ACOXL: variants seen among roughly 807,000 people sequenced by gnomAD.
The protein encoded by ACOXL is acyl-coenzyme A oxidase-like protein.
ACOXL carries 70 observed loss-of-function variants against 71.9 expected under a neutral mutation model. The observed-to-expected ratio is 0.97, with a 90% confidence interval of 0.80 to 1.19. The LOEUF is 1.19. Ranked by LOEUF, ACOXL falls within the 50% of genes most tolerant of loss-of-function variation. The pLI, the probability that ACOXL is intolerant of heterozygous loss-of-function variation, is 0.00. For missense variants in ACOXL, 703 were observed against 736.3 expected, an observed-to-expected ratio of 0.95 and a Z score of 0.52; for synonymous variants, 253 against 281.6, an observed-to-expected ratio of 0.90 and a Z score of 1.02.
At chr2:111,065,522 A>G (rs2067023997) in intron 16 of ACOXL, among the ~76,000 whole-genome samples, 1 of 152,244 alleles carries the variant, frequency 6.6e-6, no homozygotes, top group African/African-American at 2.4e-5. Flanking sequence ...TAAACAGGAC[A>G]TCATCAAAAT....
chr2:110,972,170 G>A (rs1241474656), intron 12 of ACOXL, among the ~76,000 whole-genome samples: 6 of 152,176 alleles, frequency 3.9e-5, no homozygotes, highest in African/African-American at 1.4e-4. Flanking sequence ...GGAACGTGCA[G>A]GGATGCTGGG....
At chr2:110,872,012 G>A (rs1695340406) in intron 10 of ACOXL, among the ~76,000 whole-genome samples, 1 of 152,224 alleles carries the variant, frequency 6.6e-6, no homozygotes, top group African/African-American at 2.4e-5. Context: ...CAAAATATAT[G>A]CCAGAAACTT....
chr2:110,752,950 A>T (rs1679199345), intron 1 of ACOXL, among the ~76,000 whole-genome samples: 1 of 152,036 alleles, frequency 6.6e-6, no homozygotes, highest in East Asian at 1.9e-4. Context: ...CCACTTCTAC[A>T]ATGGCTCATT....
intron 17 of ACOXL, among the ~76,000 whole-genome samples, chr2:111,103,352 C>T (rs2069309534): frequency 6.6e-6 from 1 of 151,862 alleles, no homozygotes; most frequent in South Asian, 2.1e-4. Context: ...TAGGGGTGAC[C>T]GCATTTTAAG....
At chr2:111,040,460 C>G (rs767441943) in intron 15 of ACOXL, among the ~76,000 whole-genome samples, 1 of 152,194 alleles carries the variant, frequency 6.6e-6, no homozygotes, top group Non-Finnish European at 1.5e-5. Context: ...ATCCACCCTT[C>G]TCGCCCCATA....
At chr2:110,846,210 C>T (rs570576112) in intron 10 of ACOXL, among the ~76,000 whole-genome samples, 1 of 152,090 alleles carries the variant, frequency 6.6e-6, no homozygotes, top group East Asian at 1.9e-4. Flanking sequence ...GGCGTCAGGA[C>T]CAAGAGAGAT....
At chr2:111,053,188 A>G (rs2066379221) in intron 16 of ACOXL, among the ~76,000 whole-genome samples, 1 of 152,192 alleles carries the variant, frequency 6.6e-6, no homozygotes, top group African/African-American at 2.4e-5. Context: ...CAAGGCTGCA[A>G]TTCTAAATAT....
intron 4 of ACOXL, 147 bp downstream of exon 4, chr2:110,793,883 A>G (rs998397968): frequency 1.1e-6 from 1 of 887,718 alleles, no homozygotes. Context: ...GAGAATTCCA[A>G]GACTATCTTT....
At chr2:110,916,153 A>G (rs1358877311) in intron 11 of ACOXL, among the ~76,000 whole-genome samples, 1 of 151,824 alleles carries the variant, frequency 6.6e-6, no homozygotes, top group Non-Finnish European at 1.5e-5. Flanking sequence ...TGTTAATAAT[A>G]TTTCCTTATT....
At chr2:111,066,099 C>T (rs1412734980) in intron 16 of ACOXL, among the ~76,000 whole-genome samples, 2 of 152,108 alleles carry the variant, frequency 1.3e-5, no homozygotes, top group South Asian at 2.1e-4. Flanking sequence ...CTGCTTTGTT[C>T]AGAATAACAA....
chr2:110,948,175 A>G (rs1390081402), intron 12 of ACOXL, among the ~76,000 whole-genome samples: 1 of 152,214 alleles, frequency 6.6e-6, no homozygotes, highest in East Asian at 1.9e-4. Flanking sequence ...AAGCTCTGCA[A>G]CCTAGCACAA....
At chr2:110,902,952 G>A (rs1023347633) in intron 10 of ACOXL, among the ~76,000 whole-genome samples, 1 of 152,204 alleles carries the variant, frequency 6.6e-6, no homozygotes, top group East Asian at 1.9e-4. Flanking sequence ...AAGGAAGGTG[G>A]CCTGAGCCCA....
rs57092184 is a variant in ACOXL at position 110,963,565 on chromosome 2, ATGTGTGTGTGTGTGTGTG to A, written c.1060-23521_1060-23504del. The A allele has an allele frequency of 9.1e-5, 133 of 1,453,948 alleles. 1 individual carries two copies. The Middle Eastern group carries it at 1.3e-3, about 14-fold the overall frequency. 90.1% of individuals were successfully genotyped at this position (1,453,948 alleles called of 1,614,324 possible). A position where few individuals can be genotyped will look rare whatever the true frequency, so the allele number is the denominator to read the frequency against. ...GTAGTGATGGGATCGCAAATTTGAA[ATGTGTGTGTGTGTGTGTG>A]TGTGTGTGTGTGTGTGTGTGTTTTT... On this transcript the variant is annotated intron_variant, in intron 12 of 17. Transcript: ENST00000439055.
At chr2:110,774,079 G>A (rs1010938379) in intron 2 of ACOXL, among the ~76,000 whole-genome samples, 4 of 152,050 alleles carry the variant, frequency 2.6e-5, no homozygotes, top group Non-Finnish European at 5.9e-5. Flanking sequence ...ATTATTACTC[G>A]TGCAGTGAAA....
chr2:110,795,309 C>T (rs941036161), intron 5 of ACOXL, among the ~76,000 whole-genome samples: 6 of 152,064 alleles, frequency 3.9e-5, no homozygotes. Context: ...TTCCTTCTGC[C>T]CTGATGTTAG....
At chr2:110,733,859 G>A (rs890193273) in intron 1 of ACOXL, among the ~76,000 whole-genome samples, 2 of 152,104 alleles carry the variant, frequency 1.3e-5, no homozygotes, top group African/African-American at 2.4e-5. Context: ...GGGAGCCCTG[G>A]GGGGACCCAA....
chr2:110,902,791 A>G (rs2059292813), intron 10 of ACOXL, among the ~76,000 whole-genome samples: 1 of 152,164 alleles, frequency 6.6e-6, no homozygotes, highest in Non-Finnish European at 1.5e-5. Flanking sequence ...AGGGGGAGAA[A>G]CAGGACAGAT....
Position 110,944,422 on chromosome 2 carries a change from T to C in ACOXL, c.1059+10780T>C, listed in dbSNP as rs140889169. Among the ~76,000 whole-genome samples, 952 of 152,214 alleles carry C rather than the reference T, an allele frequency of 6.3e-3. 4 individuals are homozygous for C. The highest frequency in any genetic ancestry group is 9.5e-3 in the Non-Finnish European group (646 of 68,006). Reference sequence around the variant, plus strand: ...TGTCATATAGGTTATTTGTGTGTTATGGGGGTTTGGTTTACAGCTAATTTC... The same window carrying C: ...TGTCATATAGGTTATTTGTGTGTTACGGGGGTTTGGTTTACAGCTAATTTC... On this transcript the variant is annotated intron_variant, in intron 12 of 17. Coordinates refer to ENST00000439055, the MANE Select transcript of ACOXL (RefSeq NM_001142807.4).
chr2:111,034,682 G>A (rs1350074717), intron 15 of ACOXL, among the ~76,000 whole-genome samples: 2 of 152,216 alleles, frequency 1.3e-5, no homozygotes, highest in African/African-American at 4.8e-5. Context: ...GAGGAGGTCT[G>A]TACAGAACGG....
Sources: gnomAD v4.1 joint callset for allele counts (sites outside exome capture counted in the v4.1 genomes callset) on GRCh38, gnomAD v4.1.1 for gene constraint, MANE v1.5 for transcripts, NCBI Gene and HGNC (gene_info 2026-07-23, HGNC 2026-07-21) for gene names.